JAKMIP1: variants seen among roughly 807,000 people sequenced by gnomAD.
JAKMIP1 encodes janus kinase and microtubule interacting protein 1.
JAKMIP1 carries 33 observed loss-of-function variants against 113.0 expected under a neutral mutation model. The ratio of observed to expected loss-of-function variants is 0.29; its 90% CI spans 0.22 to 0.39. The LOEUF (loss-of-function observed/expected upper bound fraction) is 0.39. Ranked by LOEUF, JAKMIP1 falls within the 10% of genes least tolerant of loss-of-function variation. The probability of loss-of-function intolerance (pLI) is 1.00; values close to 1 mark genes in which losing one functional copy is unlikely to be tolerated. For missense variants in JAKMIP1, 813 were observed against 1,080.5 expected (o/e 0.75, Z 3.47); for synonymous variants, 480 against 459.9 (o/e 1.04, Z -0.56).
At chr4:6,111,449 C>A (rs1018601627) in intron 2 of JAKMIP1, among the ~76,000 whole-genome samples, 1 of 152,196 alleles carries the variant, frequency 6.6e-6, no homozygotes, top group Non-Finnish European at 1.5e-5. Context: ...CAGAAGCAGG[C>A]CACCAAATAG....
intron 19 of JAKMIP1, among the ~76,000 whole-genome samples, chr4:6,033,726 G>A (rs6827217): frequency 0.12 from 18,487 of 152,078 alleles, 1,757 homozygotes; most frequent in African/African-American, 0.26. Context: ...ACTTTAAAAC[G>A]TTAATTTTTA....
chr4:6,162,202 T>A lies in JAKMIP1; in HGVS notation c.-148+38051A>T, dbSNP rs935127631. 2.6e-5 allele frequency among the ~76,000 whole-genome samples: 4 copies of A among 152,056 alleles called. No homozygotes were observed. The highest frequency in any genetic ancestry group is 2.6e-4 in the Admixed American group (4 of 15,274). On this transcript the variant is annotated intron_variant, in intron 1 of 20. Transcript: ENST00000409021. The surrounding 1 kb of genome is among the most constrained non-coding windows in gnomAD (Gnocchi z 5.6). Reference sequence around the variant, plus strand: ...TGGACCTCGTCCCACTAGAGGGCAGTGGGAGCGACTGCAGACCACTGGTCT... The same window carrying A: ...TGGACCTCGTCCCACTAGAGGGCAGAGGGAGCGACTGCAGACCACTGGTCT...
rs1463672446 is a variant in JAKMIP1, at chr4:6,116,750, A to G, written c.-147-3753T>C. On this transcript the variant is annotated intron_variant, in intron 1 of 20. Transcript: ENST00000409021. This position sits in a 1 kb window ranked among gnomAD's most constrained non-coding sequence, Gnocchi z 5.1. ...AGGAGGACCAGACAAGGTCCCAGCCATCACAGAACGGTCTAGTCAGGAACA... is the reference window on the plus strand; with the variant it reads ...AGGAGGACCAGACAAGGTCCCAGCCGTCACAGAACGGTCTAGTCAGGAACA... Among the ~76,000 whole-genome samples, 1 of 152,218 alleles carries G rather than the reference A, an allele frequency of 6.6e-6. No homozygotes were observed. Among genetic ancestry groups the G allele is most frequent in the East Asian group, 1.9e-4 (1 of 5,198 alleles).
At chr4:6,198,276 C>T (rs1190408074) in intron 1 of JAKMIP1, among the ~76,000 whole-genome samples, 1 of 151,980 alleles carries the variant, frequency 6.6e-6, no homozygotes, top group Non-Finnish European at 1.5e-5. Flanking sequence ...AATCATGAAT[C>T]GTTCTCCACA....
chr4:6,067,546 G>A lies in JAKMIP1; in HGVS notation c.1303-2538C>T, dbSNP rs551080302. On this transcript the variant is annotated intron_variant, in intron 8 of 20. Transcript: ENST00000409021. The surrounding 1 kb of genome is among the most constrained non-coding windows in gnomAD (Gnocchi z 4.6). Reference sequence around the variant, plus strand: ...AGCAGTGGTAGTGACATCCCATGGTGACAATGGCACCCACGGGAGTGATGC... The same window carrying A: ...AGCAGTGGTAGTGACATCCCATGGTAACAATGGCACCCACGGGAGTGATGC... Among the ~76,000 whole-genome samples the A allele has an allele frequency of 1.1e-4, 17 of 151,092 alleles. No individual in the cohort carries two copies. The highest frequency in any genetic ancestry group is 6.8e-3 in the Middle Eastern group (2 of 292).
At position 6,043,154 on chromosome 4, in the gene JAKMIP1, G is replaced by A. The variant is rs139548482; in HGVS notation, c.2029-927C>T. ...TGACCTCCTCATTGCTAAGGCTGTCGGATGGCCTCCCACTGCCAGGCCCCA... is the reference window on the plus strand; with the variant it reads ...TGACCTCCTCATTGCTAAGGCTGTCAGATGGCCTCCCACTGCCAGGCCCCA... On this transcript the variant is annotated intron_variant, in intron 16 of 20. Transcript: ENST00000409021. 6.4e-4 allele frequency among the ~76,000 whole-genome samples: 97 copies of A among 152,082 alleles called. No individual in the cohort carries two copies. The East Asian group carries it at 0.018, about 28-fold the overall frequency.
chr4:6,112,861 G>A lies in JAKMIP1; in HGVS notation c.-11C>T. On this transcript the variant is annotated 5_prime_UTR_variant, in exon 2 of 21. Transcript: ENST00000409021. Reference sequence around the variant, plus strand: ...GCCTTTCTTCGACATGCTTCCCCTTGGGTCAGAGTGCTGAGATCCTGCGGT... The same window carrying A: ...GCCTTTCTTCGACATGCTTCCCCTTAGGTCAGAGTGCTGAGATCCTGCGGT... 1.2e-6 allele frequency: 2 copies of A among 1,612,726 alleles called. No homozygotes were observed. The highest frequency in any genetic ancestry group is 1.7e-6 in the Non-Finnish European group (2 of 1,179,576).
chr4:6,180,833 T>A lies in JAKMIP1; in HGVS notation c.-148+19420A>T, dbSNP rs144377776. The stretch of plus-strand genomic sequence containing the variant: ...ATGGCACATTGAGCAGGGAGGAGTC[T>A]AGCTGCTCAAGTCCCAAGCTTAGTA... On this transcript the variant is annotated intron_variant, in intron 1 of 20. Coordinates refer to ENST00000409021, the MANE Select transcript of JAKMIP1 (RefSeq NM_001099433.2). This position sits in a 1 kb window ranked among gnomAD's most constrained non-coding sequence, Gnocchi z 4.5. 1.8e-4 allele frequency among the ~76,000 whole-genome samples: 27 copies of A among 152,344 alleles called. No homozygotes were observed. In the East Asian group the frequency reaches 5.0e-3, roughly 28 times the overall value.
intron 20 of JAKMIP1, among the ~76,000 whole-genome samples, chr4:6,027,357 G>A (rs1370585779): frequency 6.6e-6 from 1 of 152,182 alleles, no homozygotes; most frequent in Non-Finnish European, 1.5e-5. Flanking sequence ...GGAAGTCAGA[G>A]CTAGAAGGGG....
chr4:6,170,706 C>T (rs1724477890), intron 1 of JAKMIP1, among the ~76,000 whole-genome samples: 1 of 75,700 alleles, frequency 1.3e-5, no homozygotes, highest in South Asian at 4.0e-4. Context: ...TTAACACCAT[C>T]ACCACCACCA....
Position 6,139,994 on chromosome 4 carries a change from T to C in JAKMIP1, c.-147-26997A>G, listed in dbSNP as rs1719874797. Among the ~76,000 whole-genome samples, 1 of 152,088 alleles carries C rather than the reference T, an allele frequency of 6.6e-6. No homozygotes were observed. The highest frequency in any genetic ancestry group is 1.5e-5 in the Non-Finnish European group (1 of 68,030). ...GGGGTCAACCCTGCCCACGCCTGGA[T>C]CTCAGACTTCCAGCCTCCAGAACTA... On this transcript the variant is annotated intron_variant, in intron 1 of 20. Coordinates refer to ENST00000409021, the MANE Select transcript of JAKMIP1 (RefSeq NM_001099433.2). This position sits in a 1 kb window ranked among gnomAD's most constrained non-coding sequence, Gnocchi z 5.2.
Position 6,105,647 on chromosome 4 carries a change from CCGCAGG to C in JAKMIP1, c.444_449del (p.Arg150_Leu151del). On this transcript the variant is annotated inframe_deletion, in exon 3 of 21. Coordinates refer to ENST00000409021, the MANE Select transcript of JAKMIP1 (RefSeq NM_001099433.2). ...TGAGCTCCAGGATCTCCTGCTGCAG[CCGCAGG>C]CGCTCTCCATCGAAGGCCCTGCGCG... 1 of 1,596,856 alleles carries C rather than the reference CCGCAGG, an allele frequency of 6.3e-7. No homozygotes were observed. Among genetic ancestry groups the C allele is most frequent in the Non-Finnish European group, 8.5e-7 (1 of 1,172,724 alleles).
At position 6,147,670 on chromosome 4, in the gene JAKMIP1, G is replaced by A. The variant is rs147299702; in HGVS notation, c.-147-34673C>T. On this transcript the variant is annotated intron_variant, in intron 1 of 20. Transcript: ENST00000409021. Reference sequence around the variant, plus strand: ...CTCTGAACACTCACTCTCCCCCACCGGGTCCACACCAACTCTCAGGCCACC... The same window carrying A: ...CTCTGAACACTCACTCTCCCCCACCAGGTCCACACCAACTCTCAGGCCACC... 1.8e-4 allele frequency among the ~76,000 whole-genome samples: 28 copies of A among 151,982 alleles called. No homozygotes were observed. The East Asian group carries it at 5.4e-3, about 29-fold the overall frequency.
rs886872550 is a variant in JAKMIP1, at chr4:6,154,652, C to A, written c.-147-41655G>T. Among the ~76,000 whole-genome samples, 1 of 151,882 alleles carries A rather than the reference C, an allele frequency of 6.6e-6. No individual in the cohort carries two copies. Among genetic ancestry groups the A allele is most frequent in the African/African-American group, 2.4e-5 (1 of 41,308 alleles). ...CACTGCACGCAGGGACTGTGCCCAA[C>A]TCTGCAGCCCTGGCAAATGGAATTC... is the stretch of plus-strand genomic sequence containing the variant. On this transcript the variant is annotated intron_variant, in intron 1 of 20. Transcript: ENST00000409021. This position sits in a 1 kb window ranked among gnomAD's most constrained non-coding sequence, Gnocchi z 4.2.
Position 6,150,916 on chromosome 4 carries a change from C to A in JAKMIP1, c.-147-37919G>T, listed in dbSNP as rs564676028. Among the ~76,000 whole-genome samples the A allele has an allele frequency of 2.6e-5, 4 of 152,168 alleles. No individual in the cohort carries two copies. Among genetic ancestry groups the A allele is most frequent in the Non-Finnish European group, 5.9e-5 (4 of 68,032 alleles). ...GTCAGCGTTGAGTGTGCCCAGGTGA[C>A]ACACATTTACAACCCCACCAGTGGG... On this transcript the variant is annotated intron_variant, in intron 1 of 20. Coordinates refer to ENST00000409021, the MANE Select transcript of JAKMIP1 (RefSeq NM_001099433.2). The surrounding 1 kb of genome is among the most constrained non-coding windows in gnomAD (Gnocchi z 4.8).
At chr4:6,161,766 T>C (rs776096427) in intron 1 of JAKMIP1, among the ~76,000 whole-genome samples, 33 of 152,068 alleles carry the variant, frequency 2.2e-4, no homozygotes, top group Non-Finnish European at 3.8e-4. Context: ...GGATGCTGGA[T>C]GCTGTGTGGA....
chr4:6,152,789 A>AATATATATATATATATATATATACATAT (rs35192547), intron 1 of JAKMIP1, among the ~76,000 whole-genome samples: 1 of 135,294 alleles, frequency 7.4e-6, no homozygotes, highest in African/African-American at 2.9e-5. Context: ...TAAAAATACA[A>AATATATATATATATATATATATACATAT]ATATATATAT....
At position 6,136,893 on chromosome 4, in the gene JAKMIP1, C is replaced by T. The variant is rs902989120; in HGVS notation, c.-147-23896G>A. Among the ~76,000 whole-genome samples, 2 of 152,148 alleles carry T rather than the reference C, an allele frequency of 1.3e-5. No homozygotes were observed. The highest frequency in any genetic ancestry group is 1.9e-4 in the East Asian group (1 of 5,182). The stretch of plus-strand genomic sequence containing the variant: ...CATAACAGGCATTTAGACACAGTTG[C>T]GTTGAAGTTTGGCAAGCGCATGGGA... On this transcript the variant is annotated intron_variant, in intron 1 of 20. Coordinates refer to ENST00000409021, the MANE Select transcript of JAKMIP1 (RefSeq NM_001099433.2). The surrounding 1 kb of genome is among the most constrained non-coding windows in gnomAD (Gnocchi z 5.9).
intron 1 of JAKMIP1, among the ~76,000 whole-genome samples, chr4:6,172,732 T>C (rs1724883686): frequency 6.6e-6 from 1 of 152,160 alleles, no homozygotes; most frequent in South Asian, 2.1e-4. Context: ...TGAGAAAACT[T>C]ATCTCACCTG....
Sources: gnomAD v4.1 joint callset for allele counts (sites outside exome capture counted in the v4.1 genomes callset) on GRCh38, gnomAD v4.1.1 for gene constraint, Gnocchi (gnomAD v3.1) non-coding constraint, MANE v1.5 for transcripts, NCBI Gene and HGNC (gene_info 2026-07-23, HGNC 2026-07-21) for gene names.